The following PRMT8 variants were observed in gnomAD, a reference collection of about 807,000 sequenced individuals.
PRMT8 encodes protein arginine N-methyltransferase 8.
PRMT8 carries 7 observed loss-of-function variants against 47.1 expected under a neutral mutation model. The observed-to-expected ratio is 0.15, with a 90% CI of 0.08 to 0.28. PRMT8 has a LOEUF of 0.28. Ranked by LOEUF, PRMT8 falls within the 10% of genes least tolerant of loss-of-function variation. The pLI is 1.00. For missense variants in PRMT8, 237 were observed against 505.4 expected (o/e 0.47, Z 5.09); for synonymous variants, 188 against 186.5 (o/e 1.01, Z -0.07).
chr12:3,381,477 T>G, intron 1 of PRMT8: 1 of 1,533,560 alleles, frequency 6.5e-7, no homozygotes, highest in Non-Finnish European at 8.7e-7. Context: ...CTTTCCTTTC[T>G]TCTTCCTGCA....
intron 1 of PRMT8, among the ~76,000 whole-genome samples, chr12:3,450,256 CTG>C (rs1864902754): frequency 6.6e-6 from 1 of 152,190 alleles, no homozygotes; most frequent in Admixed American, 6.5e-5. Flanking sequence ...TTTTCTTACT[CTG>C]TTACATTAAA....
chr12:3,513,521 C>G (rs1309088052), intron 1 of PRMT8, among the ~76,000 whole-genome samples: 1 of 152,184 alleles, frequency 6.6e-6, no homozygotes, highest in East Asian at 1.9e-4. Flanking sequence ...GCCCATGATT[C>G]TAGCACATCT....
rs1864401623 is a variant in PRMT8, at chr12:3,409,114, G to T, written c.48+27672G>T. Reference sequence around the variant, plus strand: ...TCTCACAAACCTACTGTGGCACCTGGGACTTGGGGTGAAGGTTCACTCTCT... The same window carrying T: ...TCTCACAAACCTACTGTGGCACCTGTGACTTGGGGTGAAGGTTCACTCTCT... On this transcript the variant is annotated intron_variant, in intron 1 of 9. Coordinates refer to the PRMT8 transcript ENST00000452611. This position sits in a 1 kb window ranked among gnomAD's most constrained non-coding sequence, Gnocchi z 4.4. Among the ~76,000 whole-genome samples the T allele has an allele frequency of 6.6e-6, 1 of 152,090 alleles. No individual in the cohort carries two copies. Among genetic ancestry groups the T allele is most frequent in the Non-Finnish European group, 1.5e-5 (1 of 68,030 alleles).
chr12:3,435,840 C>T (rs570176093), intron 1 of PRMT8, among the ~76,000 whole-genome samples: 1 of 152,266 alleles, frequency 6.6e-6, no homozygotes, highest in Non-Finnish European at 1.5e-5. Context: ...GTTTTGAACC[C>T]CACCTTCTCT....
intron 1 of PRMT8, among the ~76,000 whole-genome samples, chr12:3,526,756 A>G (rs1331944857): frequency 6.6e-6 from 1 of 152,060 alleles, no homozygotes; most frequent in Non-Finnish European, 1.5e-5. Flanking sequence ...TTTCTCAGTG[A>G]TAGTATTTGT....
chr12:3,448,257 G>A lies in PRMT8; in HGVS notation c.48+66815G>A, dbSNP rs532343623. On this transcript the variant is annotated intron_variant, in intron 1 of 9. Transcript: ENST00000452611. ...CAGCCTCAAGTGATCCTCCTGCCTT[G>A]GCCTCCCAAAGTGTTGGAATTACAG... 3.2e-4 allele frequency among the ~76,000 whole-genome samples: 48 copies of A among 152,110 alleles called. No individual in the cohort carries two copies. In the South Asian group the frequency reaches 9.8e-3, roughly 31 times the overall value.
At chr12:3,589,206 G>A (rs1017731380) in intron 8 of PRMT8, among the ~76,000 whole-genome samples, 2 of 152,164 alleles carry the variant, frequency 1.3e-5, no homozygotes, top group African/African-American at 4.8e-5. Flanking sequence ...GTGAAAGGGA[G>A]ACCTATTAAT....
chr12:3,548,176 TA>T (rs2137173878), intron 2 of PRMT8, among the ~76,000 whole-genome samples: 1 of 152,120 alleles, frequency 6.6e-6, no homozygotes, highest in East Asian at 1.9e-4. Flanking sequence ...CTCACACCCC[TA>T]ACTTACACTA....
Position 3,492,398 on chromosome 12 carries a change from C to A in PRMT8, c.75+698C>A, listed in dbSNP as rs1865433476. ...CCTTCAGCACCAGGGACAGCGTCCGCCCCTGCAGCAGCCGAGCCTGCGCGG... is the reference window on the plus strand; with the variant it reads ...CCTTCAGCACCAGGGACAGCGTCCGACCCTGCAGCAGCCGAGCCTGCGCGG... On this transcript the variant is annotated intron_variant, in intron 1 of 9. Transcript: ENST00000382622. The surrounding 1 kb of genome is among the most constrained non-coding windows in gnomAD (Gnocchi z 7.5). Among the ~76,000 whole-genome samples the A allele has an allele frequency of 6.6e-6, 1 of 152,176 alleles. No homozygotes were observed. The highest frequency in any genetic ancestry group is 2.1e-4 in the South Asian group (1 of 4,822).
intron 4 of PRMT8, 62 bp downstream of exon 4, chr12:3,553,776 GT>G (rs1866470730): frequency 6.9e-7 from 1 of 1,445,868 alleles, no homozygotes; most frequent in South Asian, 1.1e-5. Flanking sequence ...ACACTTTCTT[GT>G]TGGGATGGCA....
intron 8 of PRMT8, among the ~76,000 whole-genome samples, chr12:3,586,270 T>C (rs1212843829): frequency 6.6e-6 from 1 of 152,110 alleles, no homozygotes; most frequent in African/African-American, 2.4e-5. Flanking sequence ...AATCAAGACA[T>C]CGGCTCTGGG....
At chr12:3,531,493 A>G (rs1338215715) in intron 1 of PRMT8, among the ~76,000 whole-genome samples, 1 of 152,264 alleles carries the variant, frequency 6.6e-6, no homozygotes, top group Non-Finnish European at 1.5e-5. Context: ...TTTATTTAAA[A>G]AATAGGTCAG....
rs979353638 is a variant in PRMT8 at position 3,531,964 on chromosome 12, C to T, written c.76-8642C>T. Among the ~76,000 whole-genome samples, 12 of 152,200 alleles carry T rather than the reference C, an allele frequency of 7.9e-5. No homozygotes were observed. In the East Asian group the frequency reaches 9.7e-4, roughly 12 times the overall value. On this transcript the variant is annotated intron_variant, in intron 1 of 9. Transcript: ENST00000382622. ...AAGAGAGAAGGCCTGAAGCTGTCCTCGGCACTGTCAGGACAGGGTTCCTAG... is the reference window on the plus strand; with the variant it reads ...AAGAGAGAAGGCCTGAAGCTGTCCTTGGCACTGTCAGGACAGGGTTCCTAG...
At chr12:3,584,687 A>G (rs1483166928) in intron 8 of PRMT8, among the ~76,000 whole-genome samples, 1 of 152,212 alleles carries the variant, frequency 6.6e-6, no homozygotes, top group East Asian at 1.9e-4. Context: ...GTATCATTCC[A>G]CCAAATTTCA....
chr12:3,408,694 C>A (rs982626252), intron 1 of PRMT8, among the ~76,000 whole-genome samples: 1 of 152,026 alleles, frequency 6.6e-6, no homozygotes, highest in Non-Finnish European at 1.5e-5. Context: ...GAACAGCTAC[C>A]CCTTCAAAAC....
intron 1 of PRMT8, among the ~76,000 whole-genome samples, chr12:3,391,546 A>G (rs1043697731): frequency 7.2e-5 from 11 of 152,180 alleles, no homozygotes; most frequent in African/African-American, 2.7e-4. Context: ...AAGTGACCAG[A>G]GCTAGGTTGT....
intron 1 of PRMT8, chr12:3,381,558 C>A: frequency 3.2e-6 from 3 of 938,028 alleles, no homozygotes; most frequent in South Asian, 1.5e-5. Flanking sequence ...ATCTGCAGAG[C>A]CTGCTCACGT....
intron 8 of PRMT8, among the ~76,000 whole-genome samples, chr12:3,589,438 C>T (rs1034055951): frequency 2.6e-4 from 39 of 152,160 alleles, no homozygotes; most frequent in Admixed American, 2.4e-3. Flanking sequence ...GCTATTGTCA[C>T]CTAATTAATG....
Position 3,576,701 on chromosome 12 carries a change from T to C in PRMT8, c.713-170T>C, listed in dbSNP as rs897271800. Among the ~76,000 whole-genome samples, 1 of 152,142 alleles carries C rather than the reference T, an allele frequency of 6.6e-6. No individual in the cohort carries two copies. The highest frequency in any genetic ancestry group is 1.5e-5 in the Non-Finnish European group (1 of 68,032). On this transcript the variant is annotated intron_variant, in intron 6 of 9. Coordinates refer to ENST00000382622, the MANE Select transcript of PRMT8 (RefSeq NM_019854.5). This position sits in a 1 kb window ranked among gnomAD's most constrained non-coding sequence, Gnocchi z 4.0. ...GTAGAAATGGAAATGGGAGTGAGCA[T>C]TTGGCACATTGCAAAGTGCCCCCAG...
Sources: allele counts gnomAD v4.1 joint callset (sites outside exome capture counted in the v4.1 genomes callset), GRCh38; gene constraint gnomAD v4.1.1; non-coding constraint Gnocchi (gnomAD v3.1); transcripts MANE v1.5; gene names NCBI Gene and HGNC (gene_info 2026-07-23, HGNC 2026-07-21).